Variants in CNTNAP2 observed in about 807,000 individuals in gnomAD.
The protein encoded by CNTNAP2 is contactin associated protein 2, also known as contactin-associated protein-like 2.
In CNTNAP2, 98 loss-of-function variants were observed where a neutral mutation model predicts 155.2. That is an observed-to-expected ratio of 0.63 (90% CI 0.54 to 0.75). The LOEUF (loss-of-function observed/expected upper bound fraction) is 0.75, where lower values mean the gene tolerates loss of function less well. CNTNAP2 is among the 30% of genes least tolerant of loss of function. The probability of loss-of-function intolerance (pLI) is 0.00; values close to 1 mark genes in which losing one functional copy is unlikely to be tolerated. For synonymous variants in CNTNAP2, 651 were observed against 631.2 expected (o/e 1.03, Z -0.47); for missense variants, 1,727 against 1,688.1 (o/e 1.02, Z -0.40).
At chr7:148,157,299 C>T (rs990185463) in intron 17 of CNTNAP2, among the ~76,000 whole-genome samples, 11 of 152,028 alleles carry the variant, frequency 7.2e-5, no homozygotes, top group Admixed American at 3.3e-4. Flanking sequence ...ACAGCATAGA[C>T]GGAGGATAGG....
intron 2 of CNTNAP2, among the ~76,000 whole-genome samples, chr7:146,836,924 T>C (rs1230906195): frequency 6.6e-6 from 1 of 152,128 alleles, no homozygotes; most frequent in Admixed American, 6.5e-5. Flanking sequence ...TTTCATCATG[T>C]CTGTTAGGTT....
Position 147,540,092 on chromosome 7 carries a change from C to T in CNTNAP2, c.1778-22046C>T, listed in dbSNP as rs188659635. On this transcript the variant is annotated intron_variant, in intron 11 of 23. Coordinates refer to ENST00000361727, the MANE Select transcript of CNTNAP2 (RefSeq NM_014141.6). ...CTCATTCTGCTTCTTTACACTCCTT[C>T]AAATGTTCTGCATTACTTTGAGACT... 5.1e-4 allele frequency among the ~76,000 whole-genome samples: 78 copies of T among 152,316 alleles called. No homozygotes were observed. In the East Asian group the frequency reaches 0.012, roughly 24 times the overall value.
intron 8 of CNTNAP2, among the ~76,000 whole-genome samples, chr7:147,239,369 G>C (rs1049266713): frequency 1.3e-5 from 2 of 151,902 alleles, no homozygotes; most frequent in Non-Finnish European, 2.9e-5. Flanking sequence ...AATTAGCTGG[G>C]TGTGTTGCCG....
At chr7:147,957,183 TA>T (rs1246411074) in intron 14 of CNTNAP2, among the ~76,000 whole-genome samples, 3 of 152,304 alleles carry the variant, frequency 2.0e-5, no homozygotes, top group Admixed American at 1.3e-4. Context: ...TGACAGGAAC[TA>T]AATGGGTTAG....
At chr7:148,360,183 G>A (rs548142633) in intron 21 of CNTNAP2, among the ~76,000 whole-genome samples, 3 of 152,256 alleles carry the variant, frequency 2.0e-5, no homozygotes, top group South Asian at 4.1e-4. Context: ...TGACTGCTCC[G>A]AAATAAACAC....
At chr7:147,023,099 G>T (rs956355500) in intron 3 of CNTNAP2, among the ~76,000 whole-genome samples, 18 of 152,120 alleles carry the variant, frequency 1.2e-4, no homozygotes, top group Non-Finnish European at 8.8e-5. Context: ...TTGCATAAAA[G>T]ATTGAAGCTT....
intron 22 of CNTNAP2, among the ~76,000 whole-genome samples, chr7:148,385,596 A>ATCC (rs1264030410): frequency 1.3e-5 from 2 of 152,158 alleles, no homozygotes; most frequent in Non-Finnish European, 2.9e-5. Flanking sequence ...AAACATCTAG[A>ATCC]TCCTACCTTG....
At chr7:147,523,689 T>G (rs1206035291) in intron 11 of CNTNAP2, among the ~76,000 whole-genome samples, 1 of 152,178 alleles carries the variant, frequency 6.6e-6, no homozygotes, top group African/African-American at 2.4e-5. Flanking sequence ...AGGTGCCTTG[T>G]GAGCACCTGT....
intron 10 of CNTNAP2, among the ~76,000 whole-genome samples, chr7:147,444,950 G>C (rs1797707982): frequency 6.6e-6 from 1 of 152,118 alleles, no homozygotes; most frequent in Admixed American, 6.5e-5. Context: ...AGGGAAACAA[G>C]CACGTCTTCA....
intron 13 of CNTNAP2, among the ~76,000 whole-genome samples, chr7:147,735,341 T>A (rs112405091): frequency 1.3e-5 from 2 of 152,226 alleles, no homozygotes; most frequent in South Asian, 2.1e-4. Context: ...TTTGAGTGAG[T>A]TTCTTAATCC....
chr7:146,565,536 CT>C (rs1584983969), intron 1 of CNTNAP2, among the ~76,000 whole-genome samples: 1 of 152,076 alleles, frequency 6.6e-6, no homozygotes, highest in African/African-American at 2.4e-5. Flanking sequence ...CATTGCTACG[CT>C]TTTTTATTCT....
intron 15 of CNTNAP2, among the ~76,000 whole-genome samples, chr7:147,997,329 G>A (rs955037452): frequency 2.6e-5 from 4 of 152,112 alleles, no homozygotes; most frequent in Non-Finnish European, 5.9e-5. Context: ...CGAGGCGGGT[G>A]GATGACCTGA....
intron 1 of CNTNAP2, chr7:146,311,764 C>G (rs1426480551): frequency 6.6e-6 from 1 of 151,422 alleles, no homozygotes; most frequent in Non-Finnish European, 1.5e-5. Context: ...TCATCACAAC[C>G]AGTTACAGAG....
intron 1 of CNTNAP2, among the ~76,000 whole-genome samples, chr7:146,657,342 G>A (rs1344612423): frequency 1.3e-5 from 2 of 152,180 alleles, no homozygotes; most frequent in South Asian, 4.1e-4. Context: ...TGCTTTTGTA[G>A]ATTTAACTTA....
intron 1 of CNTNAP2, among the ~76,000 whole-genome samples, chr7:146,448,759 AT>A (rs1346255883): frequency 1.3e-5 from 2 of 152,104 alleles, no homozygotes; most frequent in Non-Finnish European, 2.9e-5. Context: ...CAATTGGAAT[AT>A]AGAACTATTC....
At chr7:146,888,586 T>A (rs1251096386) in intron 3 of CNTNAP2, among the ~76,000 whole-genome samples, 1 of 152,092 alleles carries the variant, frequency 6.6e-6, no homozygotes, top group African/African-American at 2.4e-5. Context: ...ACTTCTATTC[T>A]GCCTACCCAT....
intron 1 of CNTNAP2, chr7:146,311,666 G>T (rs964931984): frequency 2.9e-5 from 4 of 137,028 alleles, no homozygotes; most frequent in Non-Finnish European, 4.8e-5. Context: ...AGCAAAGAAA[G>T]AAAGGAAAGA....
chr7:147,768,295 A>G (rs140165985), intron 13 of CNTNAP2, among the ~76,000 whole-genome samples: 1 of 152,260 alleles, frequency 6.6e-6, no homozygotes, highest in East Asian at 1.9e-4. Flanking sequence ...GTGGGAAGGC[A>G]AAGAGTTCAG....
At chr7:146,987,623 A>C (rs1798136288) in intron 3 of CNTNAP2, among the ~76,000 whole-genome samples, 2 of 152,114 alleles carry the variant, frequency 1.3e-5, no homozygotes, top group African/African-American at 4.8e-5. Flanking sequence ...AGGTCTTTGA[A>C]GACAGCTGTG....
Sources: allele counts gnomAD v4.1 joint callset (sites outside exome capture counted in the v4.1 genomes callset), GRCh38; gene constraint gnomAD v4.1.1; transcripts MANE v1.5; gene names NCBI Gene and HGNC (gene_info 2026-07-23, HGNC 2026-07-21).